BEND6: variants seen among roughly 807,000 people sequenced by gnomAD.
BEND6 encodes BEN domain containing 6.
BEND6 carries 24 observed loss-of-function variants against 31.8 expected under a neutral mutation model. The observed-to-expected ratio is 0.75, with a 90% CI of 0.55 to 1.06. The LOEUF (loss-of-function observed/expected upper bound fraction) is 1.06. Ranked by LOEUF, BEND6 falls within the 50% of genes least tolerant of loss-of-function variation. BEND6 has a pLI of 0.00. For missense variants in BEND6, 294 were observed against 327.4 expected (o/e 0.90, Z 0.79); for synonymous variants, 109 against 114.6 (o/e 0.95, Z 0.31).
intron 4 of BEND6, among the ~76,000 whole-genome samples, chr6:57,015,682 G>A (rs1450710813): frequency 6.6e-6 from 1 of 151,662 alleles, no homozygotes; most frequent in Non-Finnish European, 1.5e-5. Flanking sequence ...ACGGGCACCT[G>A]TAGTCCCAGC....
intron 4 of BEND6, among the ~76,000 whole-genome samples, chr6:57,015,756 G>A (rs1055471925): frequency 6.7e-6 from 1 of 149,228 alleles, no homozygotes; most frequent in African/African-American, 2.5e-5. Flanking sequence ...AGTGAGCCGA[G>A]ATCGAGATAG....
chr6:56,965,700 A>G (rs1825453451), intron 1 of BEND6, among the ~76,000 whole-genome samples: 1 of 142,660 alleles, frequency 7.0e-6, no homozygotes. Context: ...ATATATATAT[A>G]TATGCGATAT....
chr6:57,008,584 GA>G (rs986085060), intron 3 of BEND6: 39 of 189,744 alleles, frequency 2.1e-4, no homozygotes, highest in South Asian at 5.1e-4. Flanking sequence ...AAAGAAAAAA[GA>G]AAAAAAAATA....
chr6:57,008,498 G>A, intron 3 of BEND6: 1 of 362,876 alleles, frequency 2.8e-6, no homozygotes, highest in Non-Finnish European at 4.9e-6. Flanking sequence ...GCCTGTCTGT[G>A]TGATTGTCAG....
At chr6:57,018,133 T>C (rs1827626800) in intron 5 of BEND6, among the ~76,000 whole-genome samples, 1 of 152,220 alleles carries the variant, frequency 6.6e-6, no homozygotes, top group Non-Finnish European at 1.5e-5. Flanking sequence ...AATACATTCC[T>C]AACATTTTAG....
chr6:56,998,206 G>C (rs1000352284), intron 3 of BEND6, among the ~76,000 whole-genome samples: 1 of 152,138 alleles, frequency 6.6e-6, no homozygotes. Flanking sequence ...GAAATCTCTT[G>C]TATAATACTA....
intron 5 of BEND6, among the ~76,000 whole-genome samples, chr6:57,017,725 A>C (rs1461956396): frequency 2.6e-5 from 4 of 152,192 alleles, no homozygotes; most frequent in Non-Finnish European, 5.9e-5. Flanking sequence ...TATATGTCTT[A>C]TCTTTCATTC....
chr6:56,994,158 T>C (rs1826612250), intron 3 of BEND6, among the ~76,000 whole-genome samples: 1 of 152,104 alleles, frequency 6.6e-6, no homozygotes. Context: ...CATGAATTGC[T>C]AGTTAAAAGC....
intron 2 of BEND6, 125 bp downstream of exon 2, chr6:56,982,055 A>G (rs1826091774): frequency 4.5e-6 from 5 of 1,119,032 alleles, no homozygotes; most frequent in Non-Finnish European, 4.9e-6. Context: ...TCTTTATTCA[A>G]TGGAGAAAAT....
chr6:56,956,459 T>G (rs539021566), intron 1 of BEND6, among the ~76,000 whole-genome samples: 1 of 152,320 alleles, frequency 6.6e-6, no homozygotes, highest in East Asian at 1.9e-4. Flanking sequence ...GTATTAAACC[T>G]AAAAAGGCAT....
intron 6 of BEND6, among the ~76,000 whole-genome samples, chr6:57,020,444 G>A (rs1461480858): frequency 2.0e-5 from 3 of 151,450 alleles, no homozygotes; most frequent in Non-Finnish European, 4.4e-5. Flanking sequence ...TTTTTGAAAC[G>A]GAGTCTTGCT....
intron 6 of BEND6, among the ~76,000 whole-genome samples, chr6:57,025,803 A>T (rs578011141): frequency 1.7e-3 from 260 of 152,008 alleles, no homozygotes; most frequent in African/African-American, 6.1e-3. Flanking sequence ...TTTATTTTTT[A>T]ACTTCTCTGT....
intron 1 of BEND6, among the ~76,000 whole-genome samples, chr6:56,968,720 A>G (rs1164933071): frequency 6.6e-6 from 1 of 151,912 alleles, no homozygotes; most frequent in Non-Finnish European, 1.5e-5. Flanking sequence ...CACACTGACC[A>G]TTTTTTTAAT....
chr6:56,960,915 T>A (rs1825264644), intron 1 of BEND6, among the ~76,000 whole-genome samples: 1 of 152,166 alleles, frequency 6.6e-6, no homozygotes, highest in African/African-American at 2.4e-5. Context: ...AACACACAAA[T>A]TGGAATATAG....
intron 1 of BEND6, among the ~76,000 whole-genome samples, chr6:56,970,302 C>T (rs1392773555): frequency 6.6e-6 from 1 of 152,036 alleles, no homozygotes; most frequent in Non-Finnish European, 1.5e-5. Context: ...TCAAGCCATT[C>T]TTATGCCTCA....
At chr6:56,994,327 C>G (rs1419535731) in intron 3 of BEND6, among the ~76,000 whole-genome samples, 4 of 151,608 alleles carry the variant, frequency 2.6e-5, no homozygotes, top group Admixed American at 1.3e-4. Context: ...GGCGTGGTGG[C>G]GGGCACCTGT....
intron 1 of BEND6, chr6:56,975,803 A>T: frequency 1.9e-6 from 1 of 536,478 alleles, no homozygotes. Context: ...TCCTTCCATA[A>T]TATATTGTCC....
chr6:57,022,075 C>T (rs1827761203), intron 6 of BEND6, among the ~76,000 whole-genome samples: 1 of 151,514 alleles, frequency 6.6e-6, no homozygotes, highest in African/African-American at 2.4e-5. Flanking sequence ...TTGTTGTGCC[C>T]TTCTCTGGTT....
At chr6:56,974,175 T>G (rs1463792216) in intron 1 of BEND6, among the ~76,000 whole-genome samples, 1 of 152,212 alleles carries the variant, frequency 6.6e-6, no homozygotes, top group African/African-American at 2.4e-5. Context: ...AGTACTGTTT[T>G]TAATTTGTCG....
Sources: gnomAD v4.1 joint callset for allele counts (sites outside exome capture counted in the v4.1 genomes callset) on GRCh38, gnomAD v4.1.1 for gene constraint, MANE v1.5 for transcripts, NCBI Gene and HGNC (gene_info 2026-07-23, HGNC 2026-07-21) for gene names.